Variants in HLA-DQB1 observed in about 807,000 individuals in gnomAD.
The protein encoded by HLA-DQB1 is major histocompatibility complex, class II, DQ beta 1.
A neutral mutation model predicts 26.4 loss-of-function variants in HLA-DQB1; 13 were observed. The observed-to-expected ratio is 0.49, with a 90% CI of 0.32 to 0.78. HLA-DQB1 has a LOEUF of 0.78. HLA-DQB1 is among the 30% of genes least tolerant of loss of function. The probability of loss-of-function intolerance (pLI) is 0.03; values close to 1 mark genes in which losing one functional copy is unlikely to be tolerated. For synonymous variants in HLA-DQB1, 60 were observed against 129.1 expected, an observed-to-expected ratio of 0.46 and a Z score of 3.63; for missense variants, 158 against 326.2, an observed-to-expected ratio of 0.48 and a Z score of 3.97.
intron 1 of HLA-DQB1, 45 bp from the exon 2 acceptor site, chr6:32,665,112 C>CCA: frequency 9.8e-7 from 1 of 1,021,102 alleles, no homozygotes; most frequent in Non-Finnish European, 1.3e-6. Flanking sequence ...AGCCCGGCCG[C>CCA]CCCCGCAGCC....
In HLA-DQB1 at chr6:32,664,468, A is replaced by G. The variant is rs281862329; in HGVS notation, c.379+330T>C. 2.0e-5 allele frequency: 3 copies of G among 153,824 alleles called. 1 individual carries two copies. The highest frequency in any genetic ancestry group is 3.8e-5 in the Non-Finnish European group (3 of 79,446). The allele number at this position is 153,824 out of a possible 1,614,324, so 9.5% of individuals were successfully genotyped here. A position where few individuals can be genotyped will look rare whatever the true frequency, so the allele number is the denominator to read the frequency against. On this transcript the variant is annotated intron_variant, in intron 2 of 4. Coordinates refer to ENST00000434651, the Ensembl canonical transcript of HLA-DQB1. ...GGGGAAGAGGGTGGGCACTGGGGGC[A>G]GAGAGAACTGCTTAGCGAAGGTAAG...
At chr6:32,660,012 C>A in exon 5 of HLA-DQB1, 1 of 313,552 alleles carries the variant, frequency 3.2e-6, no homozygotes. Context: ...GTAGACGCAG[C>A]TGGCCATGCA....
intron 1 of HLA-DQB1, among the ~76,000 whole-genome samples, chr6:32,665,713 T>C (rs9274465): frequency 0.24 from 28,222 of 117,326 alleles, 3,707 homozygotes; most frequent in South Asian, 0.27. Context: ...AGTCACCAGT[T>C]TGGGCAGGTT....
intron 2 of HLA-DQB1, chr6:32,664,542 G>A (rs9274339): frequency 0.25 from 46,087 of 181,854 alleles, 15,327 homozygotes; most frequent in East Asian, 0.5. Flanking sequence ...CGTGCAGAGC[G>A]GAGGACGAGG....
intron 1 of HLA-DQB1, among the ~76,000 whole-genome samples, chr6:32,665,341 C>T (rs41263829): frequency 0.18 from 24,351 of 137,302 alleles, 2,906 homozygotes; most frequent in Middle Eastern, 0.33. Context: ...GGCAGTCGGG[C>T]TGATTTTACA....
At position 32,661,405 on chromosome 6, in the gene HLA-DQB1, G is replaced by A. The variant is rs1485210572; in HGVS notation, c.714C>T (p.Phe238=). The A allele has an allele frequency of 4.0e-6, 5 of 1,236,662 alleles. 1 individual carries two copies. Among genetic ancestry groups the A allele is most frequent in the African/African-American group, 1.6e-5 (1 of 64,362 alleles). The allele number at this position is 1,236,662 out of a possible 1,614,324, so 76.6% of individuals were successfully genotyped here. The change falls in exon 4 of 5, where the codon TTC becomes TTT. Residue 238 remains phenylalanine (F), a synonymous_variant. Transcript: ENST00000434651. ...GCCCAAGGAAGATCAGCCCCAGCAC[G>A]AAGCCTCCAACGCCACTCAGCATCT...
At position 32,666,484 on chromosome 6, in the gene HLA-DQB1, C is replaced by T. The variant is rs28746846; in HGVS notation, c.109+15G>A. The T allele has an allele frequency of 0.14, 119,147 of 880,826 alleles. 14,494 individuals carry two copies. The highest frequency in any genetic ancestry group is 0.37 in the East Asian group (11,991 of 32,236). 54.6% of individuals were successfully genotyped at this position (880,826 alleles called of 1,614,324 possible). On this transcript the variant is annotated intron_variant, in intron 1 of 4. Coordinates refer to ENST00000434651, the Ensembl canonical transcript of HLA-DQB1. ...CCAGAGTGGCGGCTCTGGAGAGCAGCTGCCCTGCACTTACCGGGAGAGTCT... is the reference window on the plus strand; with the variant it reads ...CCAGAGTGGCGGCTCTGGAGAGCAGTTGCCCTGCACTTACCGGGAGAGTCT...
intron 4 of HLA-DQB1, chr6:32,660,921 C>A (rs9273529): frequency 1.4e-6 from 2 of 1,405,924 alleles, no homozygotes. Context: ...TCTCATTACA[C>A]AAACAGCCAC....
rs1034010422 is a variant in HLA-DQB1 at position 32,661,291 on chromosome 6, T to C, written c.772+56A>G. ...AGCTAATCTACAGACAGGACCACTC[T>C]GAACAGAGGGTCTGGGTCACAGCCC... On this transcript the variant is annotated intron_variant, in intron 4 of 4. Coordinates refer to ENST00000434651, the Ensembl canonical transcript of HLA-DQB1. 6 of 1,029,524 alleles carry C rather than the reference T, an allele frequency of 5.8e-6. 1 individual carries two copies. The African/African-American group carries it at 9.3e-5, about 16-fold the overall frequency. 63.8% of individuals were successfully genotyped at this position (1,029,524 alleles called of 1,614,324 possible).
exon 2 of HLA-DQB1, chr6:32,664,870 T>G: frequency 8.5e-7 from 1 of 1,169,612 alleles, no homozygotes; most frequent in Non-Finnish European, 1.2e-6. Context: ...TCCGCCCGGG[T>G]CCCCTCCAGG....
At chr6:32,663,414 C>CT (rs9282142) in intron 2 of HLA-DQB1, 2 of 131,982 alleles carry the variant, frequency 1.5e-5, no homozygotes, top group African/African-American at 5.7e-5. Context: ...TTTTCAATGC[C>CT]GCATTAACAC....
intron 3 of HLA-DQB1, 126 bp downstream of exon 3, chr6:32,661,841 G>A (rs41270911): frequency 0.16 from 124,973 of 771,504 alleles, 12,032 homozygotes; most frequent in Middle Eastern, 0.26. Context: ...TGGAGCAAGA[G>A]GTGCTCTAGT....
chr6:32,662,671 A>C (rs281863842), intron 2 of HLA-DQB1: 9,217 of 88,080 alleles, frequency 0.1, 1,540 homozygotes, highest in South Asian at 0.12. Context: ...AGTAAAAAAA[A>C]TGACACATCT....
At chr6:32,661,933 G>GT in intron 3 of HLA-DQB1, 34 bp downstream of exon 3, 4 of 1,378,880 alleles carry the variant, frequency 2.9e-6, no homozygotes, top group South Asian at 1.3e-5. Flanking sequence ...TTGTCTTGTG[G>GT]GCCCATAGTA....
intron 2 of HLA-DQB1, 184 bp from the exon 3 acceptor site, chr6:32,662,432 A>G: frequency 2.7e-6 from 1 of 375,538 alleles, no homozygotes; most frequent in Non-Finnish European, 4.5e-6. Context: ...GATAAATAAC[A>G]TACTATGGTC....
Position 32,666,572 on chromosome 6 carries a change from G to A in HLA-DQB1, c.36C>T (p.Asp12=), listed in dbSNP as rs756234491. The change falls in exon 1 of 5, where the codon GAC becomes GAT. Residue 12 remains aspartate (D), a synonymous_variant. Transcript: ENST00000434651. ...TCAAGGTGACAGTTGCTACCCGAAG[G>A]TCTCCGGGGATCCGCAAAGCCTTCT... is the stretch of plus-strand genomic sequence containing the variant. 1.9e-5 allele frequency: 23 copies of A among 1,194,998 alleles called. 1 individual carries two copies. In the East Asian group the frequency reaches 5.7e-4, roughly 30 times the overall value. 74.0% of individuals were successfully genotyped at this position (1,194,998 alleles called of 1,614,324 possible).
chr6:32,665,196 T>C (rs74203503), intron 1 of HLA-DQB1, 129 bp from the exon 2 acceptor site: 88,117 of 525,616 alleles, frequency 0.17, 14,875 homozygotes, highest in South Asian at 0.27. Context: ...TGCCTGGCGC[T>C]CCAGACCTGG....
At chr6:32,665,000 C>T (rs1049068) in exon 2 of HLA-DQB1, 184,968 of 1,358,794 alleles carry the variant, frequency 0.14, 39,291 homozygotes, top group Middle Eastern at 0.15. Context: ...TGTATCTGGT[C>T]ACAAGACGCA....
exon 1 of HLA-DQB1, chr6:32,666,525 A>G (rs1049062): frequency 0.55 from 509,262 of 931,712 alleles, 173,065 homozygotes; most frequent in South Asian, 0.77. Context: ...CTCAGCCAGT[A>G]GGGAGCTCAG....
Sources: gnomAD v4.1 joint callset for allele counts (sites outside exome capture counted in the v4.1 genomes callset) on GRCh38, gnomAD v4.1.1 for gene constraint, MANE v1.5 for transcripts, NCBI Gene and HGNC (gene_info 2026-07-23, HGNC 2026-07-21) for gene names.